Variants in PABPC4L observed in about 807,000 individuals in gnomAD.
PABPC4L encodes poly(A) binding protein cytoplasmic 4 like.
For synonymous variants in PABPC4L, 169 were observed against 164.1 expected, an observed-to-expected ratio of 1.03 and a Z score of -0.23; for missense variants, 452 against 451.4, an observed-to-expected ratio of 1.00 and a Z score of -0.01.
chr4:134,089,955 T>C, the PABPC4L span, among the ~76,000 whole-genome samples: 1 of 152,062 alleles, frequency 6.6e-6, no homozygotes, highest in Non-Finnish European at 1.5e-5. Context: ...CTTAGACTCA[T>C]GACAATATTG....
At chr4:134,075,511 C>T in the PABPC4L span, among the ~76,000 whole-genome samples, 43 of 152,068 alleles carry the variant, frequency 2.8e-4, no homozygotes, top group African/African-American at 1.0e-3. Context: ...TAATGAGTAT[C>T]ATTAATTATC....
the PABPC4L span, among the ~76,000 whole-genome samples, chr4:133,967,234 G>C: frequency 3.3e-5 from 5 of 152,040 alleles, no homozygotes; most frequent in African/African-American, 1.2e-4. Flanking sequence ...CAGTTTGGAG[G>C]CCCAGACAAG....
chr4:133,951,716 A>C, the PABPC4L span, among the ~76,000 whole-genome samples: 1 of 152,160 alleles, frequency 6.6e-6, no homozygotes, highest in African/African-American at 2.4e-5. Context: ...GCTTGCTTTA[A>C]ATCCTCCATT....
the PABPC4L span, among the ~76,000 whole-genome samples, chr4:134,176,468 C>A: frequency 2.0e-5 from 3 of 151,946 alleles, no homozygotes; most frequent in East Asian, 5.8e-4. Context: ...TGAGACCCTG[C>A]CTCTTCAAAT....
the PABPC4L span, among the ~76,000 whole-genome samples, chr4:133,984,919 C>T: frequency 8.6e-4 from 131 of 151,922 alleles, 1 homozygote; most frequent in African/African-American, 3.1e-3. Context: ...AGGACTAACC[C>T]AGGAACAGGG....
chr4:134,000,658 C>T, the PABPC4L span, among the ~76,000 whole-genome samples: 14 of 152,102 alleles, frequency 9.2e-5, no homozygotes, highest in African/African-American at 3.1e-4. Flanking sequence ...GAATTGGCGA[C>T]TGAGTACAGT....
At chr4:134,113,883 G>A in the PABPC4L span, among the ~76,000 whole-genome samples, 1 of 150,826 alleles carries the variant, frequency 6.6e-6, no homozygotes, top group Non-Finnish European at 1.5e-5. Flanking sequence ...AAAGTGTAGA[G>A]AGAAGAGGGT....
chr4:134,174,325 T>C, the PABPC4L span, among the ~76,000 whole-genome samples: 2 of 152,264 alleles, frequency 1.3e-5, no homozygotes, highest in South Asian at 4.1e-4. Flanking sequence ...ATATCCCAAA[T>C]GAATAATAAA....
chr4:134,084,580 C>G, the PABPC4L span, among the ~76,000 whole-genome samples: 1 of 151,486 alleles, frequency 6.6e-6, no homozygotes, highest in African/African-American at 2.4e-5. Context: ...GGAGATGGAT[C>G]TACTAAAATA....
the PABPC4L span, among the ~76,000 whole-genome samples, chr4:134,182,473 T>C: frequency 6.6e-6 from 1 of 151,932 alleles, no homozygotes; most frequent in Non-Finnish European, 1.5e-5. Flanking sequence ...AGGACTTATA[T>C]GTAAAGCCCA....
the PABPC4L span, among the ~76,000 whole-genome samples, chr4:134,017,114 A>AT: frequency 1.3e-5 from 2 of 152,038 alleles, no homozygotes; most frequent in Non-Finnish European, 2.9e-5. Flanking sequence ...TCAGCCAAGC[A>AT]TTTTTTCAGG....
Position 134,197,865 on chromosome 4 carries a change from G to T in PABPC4L, c.*2042C>A, listed in dbSNP as rs1377948002. ...GACAATGGAAATGTAAGTGCCACAA[G>T]TATTCTGGACAGCATTTAAGCAATA... On this transcript the variant is annotated 3_prime_UTR_variant, in exon 2 of 2. Transcript: ENST00000421491. 1 of 151,714 alleles carries T rather than the reference G, an allele frequency of 6.6e-6. No homozygotes were observed. The highest frequency in any genetic ancestry group is 6.6e-5 in the Admixed American group (1 of 15,232). 9.4% of individuals were successfully genotyped at this position (151,714 alleles called of 1,614,324 possible). A position where few individuals can be genotyped will look rare whatever the true frequency, so the allele number is the denominator to read the frequency against.
At chr4:133,994,371 G>T in the PABPC4L span, among the ~76,000 whole-genome samples, 1 of 152,064 alleles carries the variant, frequency 6.6e-6, no homozygotes, top group Non-Finnish European at 1.5e-5. Context: ...TATTAGAAAG[G>T]GGTCTACAGA....
At chr4:134,169,939 T>C in the PABPC4L span, among the ~76,000 whole-genome samples, 1 of 152,160 alleles carries the variant, frequency 6.6e-6, no homozygotes, top group African/African-American at 2.4e-5. Flanking sequence ...AAATTGCATG[T>C]CACCCGTGTT....
chr4:134,201,235 C>T lies in PABPC4L; in HGVS notation c.-216G>A. The stretch of plus-strand genomic sequence containing the variant: ...CCACCAATCTGGCCCTCCTAGGACG[C>T]GGCAACAGAACTGTGAAATCGCAAA... On this transcript the variant is annotated 5_prime_UTR_variant, in exon 2 of 2. Transcript: ENST00000421491. The T allele has an allele frequency of 6.5e-7, 1 of 1,533,978 alleles. No homozygotes were observed. Among genetic ancestry groups the T allele is most frequent in the Non-Finnish European group, 8.8e-7 (1 of 1,137,724 alleles).
At chr4:133,950,663 G>A in the PABPC4L span, among the ~76,000 whole-genome samples, 1 of 152,116 alleles carries the variant, frequency 6.6e-6, no homozygotes, top group Non-Finnish European at 1.5e-5. Context: ...CCCCTGTTTG[G>A]AAAATTGGGG....
At chr4:134,186,568 A>G in the PABPC4L span, among the ~76,000 whole-genome samples, 3 of 152,332 alleles carry the variant, frequency 2.0e-5, no homozygotes, top group African/African-American at 7.2e-5. Flanking sequence ...CTTAAATGTT[A>G]GACCTAAAAC....
chr4:134,186,374 G>T, the PABPC4L span, among the ~76,000 whole-genome samples: 1 of 152,024 alleles, frequency 6.6e-6, no homozygotes, highest in Non-Finnish European at 1.5e-5. Context: ...AGAGTCCCTG[G>T]AAATAATACC....
At chr4:134,174,208 T>C in the PABPC4L span, among the ~76,000 whole-genome samples, 1 of 152,056 alleles carries the variant, frequency 6.6e-6, no homozygotes, top group African/African-American at 2.4e-5. Flanking sequence ...ATCAAATATA[T>C]GGAGCTATCA....
Sources: allele counts gnomAD v4.1 joint callset (sites outside exome capture counted in the v4.1 genomes callset), GRCh38; gene constraint gnomAD v4.1.1; transcripts MANE v1.5; gene names NCBI Gene and HGNC (gene_info 2026-07-23, HGNC 2026-07-21).